The following UNC13C variants were observed in gnomAD, a reference collection of about 807,000 sequenced individuals.
UNC13C encodes protein unc-13 homolog C.
Under a neutral mutation model 245.4 loss-of-function variants are expected in UNC13C, and 174 were observed. That is an observed-to-expected ratio of 0.71 (90% confidence interval 0.63 to 0.80). The LOEUF (loss-of-function observed/expected upper bound fraction) is 0.80, where lower values mean the gene tolerates loss of function less well. Ranked by LOEUF, UNC13C falls within the 30% of genes least tolerant of loss-of-function variation. The pLI, the probability that UNC13C is intolerant of heterozygous loss-of-function variation, is 0.00. For missense variants in UNC13C, 2,829 were observed against 2,602.9 expected (o/e 1.09, Z -1.89); for synonymous variants, 992 against 895.1 (o/e 1.11, Z -1.93).
intron 19 of UNC13C, among the ~76,000 whole-genome samples, chr15:54,475,291 T>C (rs1892670848): frequency 2.5e-5 from 1 of 39,492 alleles, no homozygotes; most frequent in Non-Finnish European, 5.0e-5. Context: ...TTTATTATTA[T>C]TATTATTATT....
At chr15:54,458,275 A>C (rs977811045) in intron 19 of UNC13C, among the ~76,000 whole-genome samples, 5 of 152,136 alleles carry the variant, frequency 3.3e-5, no homozygotes, top group African/African-American at 1.2e-4. Context: ...AGTTTTCTTA[A>C]ATTTATTGAG....
intron 4 of UNC13C, among the ~76,000 whole-genome samples, chr15:54,191,047 T>G (rs976192121): frequency 6.6e-6 from 1 of 152,186 alleles, no homozygotes; most frequent in Non-Finnish European, 1.5e-5. Flanking sequence ...GTTCCTTAAC[T>G]TTTTAAGCAT....
the UNC13C span, among the ~76,000 whole-genome samples, chr15:53,957,847 C>A: frequency 6.6e-6 from 1 of 152,158 alleles, no homozygotes; most frequent in African/African-American, 2.4e-5. Context: ...CAACAAACAC[C>A]AAATAGTCCC....
At chr15:54,392,147 G>A (rs1246794534) in intron 17 of UNC13C, among the ~76,000 whole-genome samples, 1 of 151,956 alleles carries the variant, frequency 6.6e-6, no homozygotes. Flanking sequence ...TATATTTTTA[G>A]CCAATTTTAA....
chr15:54,494,566 G>A (rs756854357), intron 19 of UNC13C, 42 bp from the exon 20 acceptor site: 8 of 1,492,846 alleles, frequency 5.4e-6, no homozygotes, highest in Non-Finnish European at 7.1e-6. Context: ...AGCATTGTTG[G>A]CAAACCAAGC....
intron 4 of UNC13C, among the ~76,000 whole-genome samples, chr15:54,231,257 T>G (rs369475302): frequency 6.6e-6 from 1 of 152,252 alleles, no homozygotes. Flanking sequence ...TTATTGATTA[T>G]TAAGAACATT....
the UNC13C span, among the ~76,000 whole-genome samples, chr15:53,888,862 A>T: frequency 6.6e-6 from 1 of 152,040 alleles, no homozygotes; most frequent in Admixed American, 6.6e-5. Context: ...ATGGTTGTAG[A>T]TGTGTGGTGT....
intron 13 of UNC13C, among the ~76,000 whole-genome samples, chr15:54,300,981 A>T (rs910351251): frequency 2.6e-5 from 3 of 116,754 alleles, no homozygotes; most frequent in African/African-American, 1.3e-4. Context: ...ATACCACAGA[A>T]TTAACTTATT....
In UNC13C at chr15:54,455,238, T is replaced by TATATATATATATATATATATATAA. The variant is rs1416569966; in HGVS notation, c.4934-39370_4934-39369insATATATATATATATATATATATAA. ...ATATATATATATATATATATATATA[T>TATATATATATATATATATATATAA]GTTTTTTAATCCACTCATTGGTAGA... On this transcript the variant is annotated intron_variant, in intron 19 of 32. Coordinates refer to ENST00000260323, the MANE Select transcript of UNC13C (RefSeq NM_001080534.3). Among the ~76,000 whole-genome samples the TATATATATATATATATATATATAA allele has an allele frequency of 3.7e-4, 26 of 70,126 alleles. 1 individual carries two copies. Among genetic ancestry groups the TATATATATATATATATATATATAA allele is most frequent in the Middle Eastern group, 6.8e-3 (1 of 146 alleles). 46.0% of individuals were successfully genotyped at this position (70,126 alleles called of 152,430 possible).
chr15:54,376,338 A>AG (rs2140891280), intron 17 of UNC13C, among the ~76,000 whole-genome samples: 1 of 152,320 alleles, frequency 6.6e-6, no homozygotes, highest in South Asian at 2.1e-4. Flanking sequence ...AAAGACAAAA[A>AG]GGGGTTTTAA....
intron 19 of UNC13C, among the ~76,000 whole-genome samples, chr15:54,445,067 T>TAGAA (rs1890732626): frequency 6.6e-6 from 1 of 150,950 alleles, no homozygotes; most frequent in Non-Finnish European, 1.5e-5. Context: ...TATGCAGTGT[T>TAGAA]TATTTTTTTG....
intron 2 of UNC13C, among the ~76,000 whole-genome samples, chr15:54,044,990 T>C (rs964097156): frequency 6.6e-6 from 1 of 152,168 alleles, no homozygotes; most frequent in African/African-American, 2.4e-5. Context: ...TTATGCCATA[T>C]GTGATTTAAA....
At chr15:54,409,667 A>G (rs938837188) in intron 18 of UNC13C, among the ~76,000 whole-genome samples, 8 of 152,184 alleles carry the variant, frequency 5.3e-5, no homozygotes, top group African/African-American at 1.9e-4. Context: ...ACTTACACTG[A>G]TGACCTCCAA....
chr15:54,176,356 A>C (rs1371150917), intron 4 of UNC13C, among the ~76,000 whole-genome samples: 1 of 152,166 alleles, frequency 6.6e-6, no homozygotes, highest in Non-Finnish European at 1.5e-5. Flanking sequence ...TCTATTAAAG[A>C]AACAATATAA....
chr15:54,127,981 C>G (rs1567035012), intron 2 of UNC13C, among the ~76,000 whole-genome samples: 5 of 151,698 alleles, frequency 3.3e-5, no homozygotes, highest in African/African-American at 9.7e-5. Flanking sequence ...CGAAATATCT[C>G]TCTCCTCTGA....
chr15:54,047,052 T>C (rs755521426), intron 2 of UNC13C, among the ~76,000 whole-genome samples: 6 of 152,020 alleles, frequency 3.9e-5, no homozygotes, highest in Non-Finnish European at 8.8e-5. Flanking sequence ...TCACATAAGA[T>C]TTTCTAAGCG....
chr15:54,362,548 T>C (rs2039258242), intron 17 of UNC13C, among the ~76,000 whole-genome samples: 2 of 152,210 alleles, frequency 1.3e-5, no homozygotes, highest in African/African-American at 4.8e-5. Context: ...TCCACCATCA[T>C]GCTGACATAA....
intron 27 of UNC13C, among the ~76,000 whole-genome samples, chr15:54,547,238 AT>A (rs140088492): frequency 2.6e-5 from 4 of 151,460 alleles, no homozygotes; most frequent in Non-Finnish European, 5.9e-5. Context: ...TGCTATTTGG[AT>A]TTTTTTTTCA....
chr15:54,114,993 C>T (rs986540389), intron 2 of UNC13C, among the ~76,000 whole-genome samples: 1 of 152,076 alleles, frequency 6.6e-6, no homozygotes, highest in African/African-American at 2.4e-5. Context: ...ATTTAAAATG[C>T]ATTCCCCACT....
Sources: gnomAD v4.1 joint callset for allele counts (sites outside exome capture counted in the v4.1 genomes callset) on GRCh38, gnomAD v4.1.1 for gene constraint, MANE v1.5 for transcripts, NCBI Gene and HGNC (gene_info 2026-07-23, HGNC 2026-07-21) for gene names.